The following SNTG1 variants were observed in gnomAD, a reference collection of about 807,000 sequenced individuals.
The protein encoded by SNTG1 is syntrophin gamma 1.
In SNTG1, 39 loss-of-function variants were observed where a neutral mutation model predicts 74.7. The observed-to-expected ratio is 0.52, with a 90% CI of 0.40 to 0.68. SNTG1 has a LOEUF of 0.68. SNTG1 is among the 30% of genes least tolerant of loss of function. The pLI, the probability that SNTG1 is intolerant of heterozygous loss-of-function variation, is 0.00. For missense variants in SNTG1, 685 were observed against 609.5 expected, an observed-to-expected ratio of 1.12 and a Z score of -1.30; for synonymous variants, 254 against 217.1, an observed-to-expected ratio of 1.17 and a Z score of -1.49.
chr8:50,047,550 A>C (rs2130856859), intron 1 of SNTG1, among the ~76,000 whole-genome samples: 1 of 152,316 alleles, frequency 6.6e-6, no homozygotes, highest in South Asian at 2.1e-4. Context: ...AACAGAATAC[A>C]TTCATGACCA....
At chr8:50,372,303 C>T (rs2092288275) in intron 2 of SNTG1, among the ~76,000 whole-genome samples, 1 of 150,946 alleles carries the variant, frequency 6.6e-6, no homozygotes, top group Non-Finnish European at 1.5e-5. Flanking sequence ...TTCGGGTTAC[C>T]ATGGATCTAA....
chr8:50,631,834 C>T (rs145766252), intron 13 of SNTG1, among the ~76,000 whole-genome samples: 101 of 152,298 alleles, frequency 6.6e-4, no homozygotes, highest in African/African-American at 2.1e-3. Context: ...ACTGACTCTA[C>T]GCTCTGTAGT....
chr8:50,673,714 T>C (rs775090499), intron 15 of SNTG1, among the ~76,000 whole-genome samples: 1 of 152,170 alleles, frequency 6.6e-6, no homozygotes, highest in Non-Finnish European at 1.5e-5. Context: ...CAATACTATG[T>C]TGAATAGGAG....
chr8:49,993,888 C>T (rs984429733), intron 1 of SNTG1, among the ~76,000 whole-genome samples: 17 of 152,072 alleles, frequency 1.1e-4, no homozygotes, highest in Admixed American at 4.6e-4. Flanking sequence ...GATTATTGAA[C>T]GAATGAAACA....
intron 2 of SNTG1, among the ~76,000 whole-genome samples, chr8:50,378,536 G>C (rs1287632839): frequency 6.6e-6 from 1 of 152,172 alleles, no homozygotes; most frequent in African/African-American, 2.4e-5. Context: ...CAGACAAGTG[G>C]AGGGTGAGCA....
At chr8:50,455,942 T>C (rs2093501237) in intron 8 of SNTG1, among the ~76,000 whole-genome samples, 2 of 152,228 alleles carry the variant, frequency 1.3e-5, no homozygotes, top group Non-Finnish European at 2.9e-5. Flanking sequence ...AGTTTTTCTT[T>C]GAATTAACTT....
At chr8:50,403,605 A>G (rs978029833) in intron 4 of SNTG1, among the ~76,000 whole-genome samples, 1 of 152,184 alleles carries the variant, frequency 6.6e-6, no homozygotes, top group Non-Finnish European at 1.5e-5. Context: ...TTTAAACTTC[A>G]CAGTCAATAA....
In SNTG1 at chr8:50,152,544, C is replaced by T. The variant is rs530872790; in HGVS notation, c.-102-20017C>T. Among the ~76,000 whole-genome samples, 6 of 152,258 alleles carry T rather than the reference C, an allele frequency of 3.9e-5. No individual in the cohort carries two copies. In the East Asian group the frequency reaches 9.6e-4, roughly 24 times the overall value. Reference sequence around the variant, plus strand: ...TGGAATGGTTTTGCAGTGGCTGGTACCGGTTGTTCCTTTCTATGTTTAGTG... The same window carrying T: ...TGGAATGGTTTTGCAGTGGCTGGTATCGGTTGTTCCTTTCTATGTTTAGTG... On this transcript the variant is annotated intron_variant, in intron 1 of 18. Coordinates refer to ENST00000642720, the MANE Select transcript of SNTG1 (RefSeq NM_018967.5).
chr8:50,573,031 C>T (rs890695481), intron 12 of SNTG1, among the ~76,000 whole-genome samples: 3 of 151,926 alleles, frequency 2.0e-5, no homozygotes, highest in African/African-American at 4.8e-5. Flanking sequence ...TATATGAAAG[C>T]TGGAAATTAA....
At chr8:50,757,478 A>G (rs1268031531) in intron 18 of SNTG1, among the ~76,000 whole-genome samples, 1 of 151,832 alleles carries the variant, frequency 6.6e-6, no homozygotes, top group Non-Finnish European at 1.5e-5. Context: ...GCCACCTGGA[A>G]TCAATAAAAA....
At chr8:50,188,411 C>T (rs1256575413) in intron 2 of SNTG1, among the ~76,000 whole-genome samples, 1 of 152,072 alleles carries the variant, frequency 6.6e-6, no homozygotes, top group Non-Finnish European at 1.5e-5. Flanking sequence ...TCAGGAAGAC[C>T]CTGTAGGTGT....
chr8:50,028,229 T>G (rs929991001), intron 1 of SNTG1, among the ~76,000 whole-genome samples: 1 of 152,158 alleles, frequency 6.6e-6, no homozygotes, highest in Non-Finnish European at 1.5e-5. Flanking sequence ...ACTTTTGAGG[T>G]TGACTTTCCA....
At chr8:50,385,601 G>T (rs996744710) in intron 2 of SNTG1, among the ~76,000 whole-genome samples, 4 of 152,210 alleles carry the variant, frequency 2.6e-5, no homozygotes, top group South Asian at 2.1e-4. Flanking sequence ...GAAAGGGGAA[G>T]TGATTCAAAA....
chr8:50,733,014 C>G (rs2095516659), intron 17 of SNTG1, among the ~76,000 whole-genome samples: 1 of 151,800 alleles, frequency 6.6e-6, no homozygotes, highest in Non-Finnish European at 1.5e-5. Flanking sequence ...TGCTGAGATT[C>G]AAGGTATGGA....
chr8:50,348,677 C>A (rs936343861), intron 2 of SNTG1, among the ~76,000 whole-genome samples: 2 of 152,138 alleles, frequency 1.3e-5, no homozygotes, highest in Non-Finnish European at 2.9e-5. Context: ...CTATTTAAAA[C>A]CTTGCAAGCA....
chr8:50,396,264 A>C (rs1273234440), intron 3 of SNTG1, among the ~76,000 whole-genome samples: 2 of 152,226 alleles, frequency 1.3e-5, no homozygotes, highest in Non-Finnish European at 1.5e-5. Context: ...AATATTGCTG[A>C]AGTCACTATA....
At chr8:50,596,742 T>C (rs143183141) in intron 13 of SNTG1, among the ~76,000 whole-genome samples, 2 of 152,218 alleles carry the variant, frequency 1.3e-5, no homozygotes, top group South Asian at 2.1e-4. Context: ...TTATTTGCTG[T>C]TGTTGATAAA....
chr8:50,642,234 C>T (rs1247341812), intron 13 of SNTG1, among the ~76,000 whole-genome samples: 1 of 152,166 alleles, frequency 6.6e-6, no homozygotes, highest in East Asian at 1.9e-4. Context: ...TTAAACTACT[C>T]TCTAAAGCCT....
intron 13 of SNTG1, among the ~76,000 whole-genome samples, chr8:50,628,051 G>T (rs1022065215): frequency 6.6e-6 from 1 of 152,158 alleles, no homozygotes; most frequent in Non-Finnish European, 1.5e-5. Context: ...CCATCCTGAA[G>T]CTGCCTAGGG....
Sources: gnomAD v4.1 joint callset for allele counts (sites outside exome capture counted in the v4.1 genomes callset) on GRCh38, gnomAD v4.1.1 for gene constraint, MANE v1.5 for transcripts, NCBI Gene and HGNC (gene_info 2026-07-23, HGNC 2026-07-21) for gene names.